HSPG2: variants seen among roughly 807,000 people sequenced by gnomAD.
HSPG2 encodes the protein heparan sulfate proteoglycan 2, also known as basement membrane-specific heparan sulfate proteoglycan core protein.
HSPG2 carries 278 observed loss-of-function variants against 526.6 expected under a neutral mutation model. That is an observed-to-expected ratio of 0.53 (90% CI 0.48 to 0.58). The LOEUF is 0.58. HSPG2 is among the 20% of genes least tolerant of loss of function. The probability of loss-of-function intolerance (pLI) is 0.00; values close to 1 mark genes in which losing one functional copy is unlikely to be tolerated. For missense variants in HSPG2, 5,354 were observed against 6,099.5 expected (o/e 0.88, Z 4.07); for synonymous variants, 2,465 against 2,555.4 (o/e 0.96, Z 1.07).
Position 21,861,768 on chromosome 1 carries a change from C to T in HSPG2, c.4944G>A (p.Gln1648=), listed in dbSNP as rs748863972. The T allele has an allele frequency of 1.2e-6, 2 of 1,613,974 alleles. No individual in the cohort carries two copies. The highest frequency in any genetic ancestry group is 3.3e-5 in the Admixed American group (2 of 60,016). ...CTACEPGYTG[Q]YCEQCGPGYV... The stretch of plus-strand genomic sequence containing the variant: ...GTTTACAAACTTACTGCTCACAGTA[C>T]TGGCCAGTGTAGCCGGGTTCGCAGG... Residue 1648 remains glutamine (Q), a synonymous_variant, in exon 39 of 97, where the codon CAG becomes CAA. Coordinates refer to ENST00000374695, the MANE Select transcript of HSPG2 (RefSeq NM_005529.7).
rs1179320303 is a variant in HSPG2, at chr1:21,828,353, T to C, written c.12311A>G (p.Asp4104Gly). ...AGGCTGGCGCTCACATGGGGAGCTA[T>C]CATAGCATTGCCCGATGCCCTGGCT... ...LGSQGIGQCY[D>G]SSPCERQPCQ... The change falls in exon 89 of 97, where the codon GAT becomes GGT. Residue 4104 changes from aspartate to glycine, a missense_variant. By Grantham distance (94) the Asp-to-Gly change is moderately conservative. Transcript: ENST00000374695. This position sits in a 1 kb window ranked among gnomAD's most constrained non-coding sequence, Gnocchi z 6.0. The C allele has an allele frequency of 1.9e-6, 3 of 1,613,730 alleles. No homozygotes were observed. In the Admixed American group the frequency reaches 5.0e-5, roughly 27 times the overall value.
chr1:21,920,645 A>G (rs1644011662), intron 1 of HSPG2, among the ~76,000 whole-genome samples: 1 of 152,186 alleles, frequency 6.6e-6, no homozygotes, highest in Non-Finnish European at 1.5e-5. Flanking sequence ...TGCTTCACAC[A>G]TTCCTGTTGG....
Position 21,884,635 on chromosome 1 carries a change from G to A in HSPG2, c.1547C>T (p.Ala516Val), listed in dbSNP as rs1281223038. Residue 516 changes from alanine to valine, a missense_variant, in exon 13 of 97, where the codon GCC becomes GTC. Ala to Val is a moderately conservative substitution (Grantham distance 64, BLOSUM62 0). Coordinates refer to ENST00000374695, the MANE Select transcript of HSPG2 (RefSeq NM_005529.7). Reference protein sequence around the residue: ...PDGHFYLEHSAACLPCFCFGI... With the variant: ...PDGHFYLEHSVACLPCFCFGI... ...AAAGCAGAAGCAGGGCAGGCAGGCG[G>A]CGCTGTGCTCCAGGTAGAAGTGGCC... 2 of 1,611,722 alleles carry A rather than the reference G, an allele frequency of 1.2e-6. No homozygotes were observed. The highest frequency in any genetic ancestry group is 1.7e-6 in the Non-Finnish European group (2 of 1,179,776).
In HSPG2 at chr1:21,822,389, C is replaced by T. The variant is rs2097953986; in HGVS notation, c.*927G>A. ...CTTGAGCTGGATCTTCAGGCTCCTG[C>T]AGATGGGGCAGGGTGGTCATATCCC... On this transcript the variant is annotated 3_prime_UTR_variant, in exon 97 of 97. Transcript: ENST00000374695. 1 of 659,220 alleles carries T rather than the reference C, an allele frequency of 1.5e-6. No individual in the cohort carries two copies. The highest frequency in any genetic ancestry group is 2.7e-5 in the East Asian group (1 of 36,668). The allele number at this position is 659,220 out of a possible 1,614,324, so 40.8% of individuals were successfully genotyped here.
Position 21,824,637 on chromosome 1 carries a change from G to T in HSPG2, c.12666-22C>A. 6.2e-7 allele frequency: 1 copy of T among 1,613,778 alleles called. No homozygotes were observed. The highest frequency in any genetic ancestry group is 8.5e-7 in the Non-Finnish European group (1 of 1,179,862). On this transcript the variant is annotated intron_variant, in intron 92 of 96. Coordinates refer to ENST00000374695, the MANE Select transcript of HSPG2 (RefSeq NM_005529.7). This position sits in a 1 kb window ranked among gnomAD's most constrained non-coding sequence, Gnocchi z 5.9. ...CAGGCTGCGGAGGAAGAGCGGGTGAGGGGACAGAAGTCCCAGATTCCCATC... is the reference window on the plus strand; with the variant it reads ...CAGGCTGCGGAGGAAGAGCGGGTGATGGGACAGAAGTCCCAGATTCCCATC...
chr1:21,924,120 C>T (rs1644120441), intron 1 of HSPG2, among the ~76,000 whole-genome samples: 1 of 152,200 alleles, frequency 6.6e-6, no homozygotes, highest in South Asian at 2.1e-4. Flanking sequence ...GGGCCATCTC[C>T]TTCATCTGCT....
intron 6 of HSPG2, chr1:21,888,720 T>C: frequency 7.3e-7 from 1 of 1,364,892 alleles, no homozygotes; most frequent in South Asian, 1.1e-5. Context: ...GGGTCTGTGC[T>C]GGAAAGGAAG....
chr1:21,848,666 C>T lies in HSPG2; in HGVS notation c.7714G>A (p.Gly2572Ser), dbSNP rs750272893. 6.2e-7 allele frequency: 1 copy of T among 1,613,636 alleles called. No homozygotes were observed. The highest frequency in any genetic ancestry group is 1.1e-5 in the South Asian group (1 of 91,064). Residue 2572 changes from glycine to serine, a missense_variant, in exon 59 of 97, where the codon GGC (glycine) becomes AGC (serine). By Grantham distance (56) the Gly-to-Ser change is moderately conservative. Coordinates refer to ENST00000374695, the MANE Select transcript of HSPG2 (RefSeq NM_005529.7). The surrounding 1 kb of genome is among the most constrained non-coding windows in gnomAD (Gnocchi z 4.9). The stretch of plus-strand genomic sequence containing the variant: ...ACCTGGTGCCGGCTGGGTAAGCTGC[C>T]TCCACGCTTATACCAGGTGATGGTG... Reference protein sequence around the residue: ...PHTITWYKRGGSLPSRHQIVG... With the variant: ...PHTITWYKRGSSLPSRHQIVG...
intron 6 of HSPG2, chr1:21,888,710 G>C: frequency 7.3e-7 from 1 of 1,365,468 alleles, no homozygotes; most frequent in Non-Finnish European, 9.8e-7. Context: ...GGGGGTGGGG[G>C]GGTCTGTGCT....
chr1:21,929,635 G>C (rs926045500), intron 1 of HSPG2, among the ~76,000 whole-genome samples: 2 of 145,604 alleles, frequency 1.4e-5, no homozygotes, highest in Non-Finnish European at 3.0e-5. Context: ...GAGATCGTAA[G>C]AGAAGACACA....
intron 3 of HSPG2, among the ~76,000 whole-genome samples, chr1:21,892,862 C>CA (rs564802827): frequency 0.89 from 92,925 of 103,904 alleles, 41,886 homozygotes; most frequent in East Asian, 0.98. Context: ...GACTCCATCT[C>CA]AAAAAAAAAA....
intron 64 of HSPG2, among the ~76,000 whole-genome samples, chr1:21,845,270 C>T (rs1023292700): frequency 6.6e-6 from 1 of 152,094 alleles, no homozygotes; most frequent in Admixed American, 6.6e-5. Context: ...CAAAAAAAAC[C>T]TTAACTACTT....
Position 21,875,650 on chromosome 1 carries a change from G to A in HSPG2, c.3281C>T (p.Ala1094Val), listed in dbSNP as rs1238465014. The A allele has an allele frequency of 1.9e-6, 3 of 1,602,094 alleles. No homozygotes were observed. Among genetic ancestry groups the A allele is most frequent in the Admixed American group, 1.7e-5 (1 of 60,008 alleles). Reference protein sequence around the residue: ...IDTLLIRASYAQQPAESRVSG... With the variant: ...IDTLLIRASYVQQPAESRVSG... ...ACACCTGCTCTCAGCGGGCTGCTGG[G>A]CGTAGGATGCTCGGATCAGGAGGGT... The change falls in exon 25 of 97, where the codon GCC becomes GTC. Residue 1094 changes from alanine to valine, a missense_variant. Physicochemically the swap from Ala to Val is moderately conservative, Grantham distance 64 (BLOSUM62 0). Coordinates refer to ENST00000374695, the MANE Select transcript of HSPG2 (RefSeq NM_005529.7).
At position 21,890,782 on chromosome 1, in the gene HSPG2, G is replaced by GC; in HGVS notation, c.245-89_245-88insG. 1 of 994,618 alleles carries GC rather than the reference G, an allele frequency of 1.0e-6. No individual in the cohort carries two copies. The highest frequency in any genetic ancestry group is 1.6e-6 in the Non-Finnish European group (1 of 636,898). 61.6% of individuals were successfully genotyped at this position (994,618 alleles called of 1,614,324 possible). On this transcript the variant is annotated intron_variant, in intron 3 of 96. Transcript: ENST00000374695. The surrounding 1 kb of genome is among the most constrained non-coding windows in gnomAD (Gnocchi z 4.1). ...TTGGACCATTCAGGCAGAGTTGGGG[G>GC]GATGGCCCCCAGAGGCCTCCCTCGA... is the stretch of plus-strand genomic sequence containing the variant.
At chr1:21,886,188 TG>T (rs538231411) in intron 9 of HSPG2, among the ~76,000 whole-genome samples, 12 of 152,394 alleles carry the variant, frequency 7.9e-5, no homozygotes, top group African/African-American at 2.4e-4. Context: ...TCATGTTCTC[TG>T]TTTCTGTGCT....
At position 21,833,846 on chromosome 1, in the gene HSPG2, GC is replaced by G; in HGVS notation, c.10799del (p.Gly3600AlafsTer27). 6.2e-7 allele frequency: 1 copy of G among 1,603,684 alleles called. No individual in the cohort carries two copies. Among genetic ancestry groups the G allele is most frequent in the Non-Finnish European group, 8.5e-7 (1 of 1,174,992 alleles). On this transcript the variant is annotated frameshift_variant, in exon 78 of 97. Coordinates refer to ENST00000374695, the MANE Select transcript of HSPG2 (RefSeq NM_005529.7). LOFTEE classifies it high-confidence loss of function. The stretch of plus-strand genomic sequence containing the variant: ...TCCAGCTGATGTCAGGAGTGGGGTA[GC>G]CTGAGGCTATGCAGGGGAAGACAGC... ...SAAVFPCIAS[G>X]YPTPDISWSK...
In HSPG2 at chr1:21,857,355, A is replaced by G. The variant is rs768140730; in HGVS notation, c.5324T>C (p.Val1775Ala). 2.9e-5 allele frequency: 47 copies of G among 1,613,976 alleles called. 2 individuals are homozygous for G. The South Asian group carries it at 5.2e-4, about 18-fold the overall frequency. Residue 1775 changes from valine to alanine, a missense_variant, in exon 43 of 97, where the codon GTG (valine) becomes GCG (alanine). Transcript: ENST00000374695. ...EAPSKPITVT[V>A]EEQRSQSVRP... ...CACGCTCTGGCTCCGCTGCTCCTCC[A>G]CAGTCACTGTGATGGGCTTGCTTGG...
In HSPG2 at chr1:21,855,663, C is replaced by T; in HGVS notation, c.5714G>A (p.Gly1905Asp). 1 of 1,573,860 alleles carries T rather than the reference C, an allele frequency of 6.4e-7. No homozygotes were observed. The change falls in exon 46 of 97, where the codon GGC becomes GAC. Residue 1905 changes from glycine to aspartate, a missense_variant. By Grantham distance (94) the Gly-to-Asp change is moderately conservative. Coordinates refer to ENST00000374695, the MANE Select transcript of HSPG2 (RefSeq NM_005529.7). ...GATTTGTGCCTTCGCAGGGAGCTGG[C>T]CGCCGGGGCCCCCTGACGAGTAGAC... ...PTLEWTGGPG[G>D]QLPAKAQIHG...
In HSPG2 at chr1:21,842,219, A is replaced by G. The variant is rs773915623; in HGVS notation, c.9052+20T>C. Reference sequence around the variant, plus strand: ...AGGGCCCTCCCTTCCCCCCTTGCCCATGGCATCTGCCATACTCACGGTAGG... The same window carrying G: ...AGGGCCCTCCCTTCCCCCCTTGCCCGTGGCATCTGCCATACTCACGGTAGG... On this transcript the variant is annotated intron_variant, in intron 68 of 96. Transcript: ENST00000374695. 28 of 1,613,032 alleles carry G rather than the reference A, an allele frequency of 1.7e-5. No individual in the cohort carries two copies. The highest frequency in any genetic ancestry group is 2.7e-5 in the African/African-American group (2 of 74,914).
Sources: gnomAD v4.1 joint callset for allele counts (sites outside exome capture counted in the v4.1 genomes callset) on GRCh38, gnomAD v4.1.1 for gene constraint, Gnocchi (gnomAD v3.1) non-coding constraint, MANE v1.5 for transcripts, NCBI Gene and HGNC (gene_info 2026-07-23, HGNC 2026-07-21) for gene names.